Variants in SEL1L3 observed in about 807,000 individuals in gnomAD.
SEL1L3 encodes the protein protein sel-1 homolog 3.
A neutral mutation model predicts 142.8 loss-of-function variants in SEL1L3; 76 were observed. The ratio of observed to expected loss-of-function variants is 0.53; its 90% CI spans 0.44 to 0.64. SEL1L3 has a LOEUF of 0.64. Among genes scored for constraint, SEL1L3 ranks in the 30% least tolerant of loss-of-function variants. The pLI is 0.00. For missense variants in SEL1L3, 1,262 were observed against 1,381.7 expected, an observed-to-expected ratio of 0.91 and a Z score of 1.37; for synonymous variants, 504 against 519.6, an observed-to-expected ratio of 0.97 and a Z score of 0.41.
intron 6 of SEL1L3, among the ~76,000 whole-genome samples, chr4:25,823,906 C>CT (rs746583469): frequency 6.6e-6 from 1 of 152,064 alleles, no homozygotes; most frequent in Admixed American, 6.5e-5. Context: ...CAACCCAAGC[C>CT]CTAGCAGGTG....
intron 19 of SEL1L3, 148 bp downstream of exon 19, chr4:25,767,377 G>A: frequency 1.6e-6 from 1 of 629,574 alleles, no homozygotes. Flanking sequence ...TGAGAGCAGA[G>A]TTTAGCGATC....
intron 11 of SEL1L3, among the ~76,000 whole-genome samples, chr4:25,796,689 G>C (rs1335249205): frequency 2.0e-5 from 3 of 151,896 alleles, no homozygotes; most frequent in Non-Finnish European, 4.4e-5. Context: ...CTACTTGGAA[G>C]GCTGAGGTAT....
At chr4:25,750,406 T>A (rs1717518607) in intron 23 of SEL1L3, among the ~76,000 whole-genome samples, 1 of 152,158 alleles carries the variant, frequency 6.6e-6, no homozygotes, top group Non-Finnish European at 1.5e-5. Flanking sequence ...AGGAAGAACA[T>A]CTGCTTGCCG....
At chr4:25,822,157 G>A (rs1381757570) in intron 6 of SEL1L3, 29 bp from the exon 7 acceptor site, 3 of 1,612,368 alleles carry the variant, frequency 1.9e-6, no homozygotes, top group African/African-American at 2.7e-5. Flanking sequence ...GATTAAGAGA[G>A]CTCCATGCCG....
rs765967618 is a variant in SEL1L3 at position 25,790,498 on chromosome 4, A to G, written c.2033T>C (p.Met678Thr). The part of the protein sequence containing the change: ...VQTKEDGDVF[M>T]WLKHEATRGN... ...TCGGGTAGCTTCATGCTTCAACCAC[A>G]TAAAGACATCTCCATCTTCTTTGGT... The change falls in exon 12 of 24, where the codon ATG (methionine) becomes ACG (threonine). Residue 678 changes from methionine (M) to threonine (T), a missense_variant. Met to Thr is a moderately conservative substitution (Grantham distance 81). Around this residue, in one of 3 missense-constraint regions of SEL1L3, gnomAD observed 435 missense variants for 559.2 expected, o/e 0.78. Transcript: ENST00000399878. The G allele has an allele frequency of 1.2e-6, 2 of 1,613,770 alleles. No individual in the cohort carries two copies. Among genetic ancestry groups the G allele is most frequent in the Non-Finnish European group, 1.7e-6 (2 of 1,179,822 alleles).
chr4:25,833,449 C>T lies in SEL1L3; in HGVS notation c.981G>A (p.Glu327=). The change falls in exon 4 of 24, where the codon GAG becomes GAA. Residue 327 remains glutamate, a splice_region_variant and synonymous_variant. Transcript: ENST00000399878. Reference sequence around the variant, plus strand: ...TTAAAGGTTCTGTTTTATACTCACCCTCTTCCGTAAGAAATACAGAAGGTG... The same window carrying T: ...TTAAAGGTTCTGTTTTATACTCACCTTCTTCCGTAAGAAATACAGAAGGTG... ...YGTPSVFLTE[E]GYLHIQMHLV... is the part of the protein sequence containing the mutation. 2 of 1,610,480 alleles carry T rather than the reference C, an allele frequency of 1.2e-6. No individual in the cohort carries two copies. Among genetic ancestry groups the T allele is most frequent in the East Asian group, 2.2e-5 (1 of 44,846 alleles).
intron 22 of SEL1L3, 23 bp from the exon 23 acceptor site, chr4:25,757,629 T>A: frequency 1.3e-6 from 2 of 1,556,826 alleles, no homozygotes; most frequent in Non-Finnish European, 1.7e-6. Context: ...GAAGCACGCA[T>A]TAGTGACTGA....
chr4:25,850,060 G>A (rs1050732187), intron 1 of SEL1L3, among the ~76,000 whole-genome samples: 6 of 152,170 alleles, frequency 3.9e-5, no homozygotes, highest in Non-Finnish European at 5.9e-5. Context: ...AGCATAAGCC[G>A]GGCAAGAGGC....
intron 1 of SEL1L3, among the ~76,000 whole-genome samples, chr4:25,853,916 C>G (rs1717068972): frequency 6.6e-6 from 1 of 152,106 alleles, no homozygotes; most frequent in African/African-American, 2.4e-5. Context: ...AGGTGATCCA[C>G]CTGCCTCGGC....
the SEL1L3 span, among the ~76,000 whole-genome samples, chr4:25,733,749 G>A: frequency 6.6e-6 from 1 of 151,970 alleles, no homozygotes; most frequent in Non-Finnish European, 1.5e-5. Flanking sequence ...CTGACCCCAT[G>A]ATTTCCCTCC....
At chr4:25,858,902 T>C (rs1717473269) in intron 1 of SEL1L3, among the ~76,000 whole-genome samples, 1 of 152,190 alleles carries the variant, frequency 6.6e-6, no homozygotes, top group Admixed American at 6.5e-5. Context: ...GTTAATGTCC[T>C]CTTACTTCTT....
intron 20 of SEL1L3, among the ~76,000 whole-genome samples, chr4:25,761,318 G>C (rs1249014824): frequency 6.6e-6 from 1 of 152,066 alleles, no homozygotes; most frequent in African/African-American, 2.4e-5. Flanking sequence ...GCCACGCATG[G>C]CTAATTTTTG....
chr4:25,842,918 C>T (rs61240381), intron 2 of SEL1L3, among the ~76,000 whole-genome samples: 3,537 of 152,150 alleles, frequency 0.023, 123 homozygotes, highest in African/African-American at 0.079. Context: ...ACAGGCAGGG[C>T]GGTGGGGGTG....
At position 25,759,251 on chromosome 4, in the gene SEL1L3, GC is replaced by G. The variant is rs1718215454; in HGVS notation, c.2956-184del. On this transcript the variant is annotated intron_variant, in intron 20 of 23. Transcript: ENST00000399878. ...ATATATGCATCTGAGAAATTTATTT[GC>G]AGGAGAACCAGGAGGCTTTCAGAAG... is the stretch of plus-strand genomic sequence containing the variant. The G allele has an allele frequency of 6.1e-5, 37 of 601,952 alleles. No individual in the cohort carries two copies. The South Asian group carries it at 7.5e-4, about 12-fold the overall frequency. 37.3% of individuals were successfully genotyped at this position (601,952 alleles called of 1,614,324 possible).
chr4:25,795,180 G>A (rs967744102), intron 11 of SEL1L3, among the ~76,000 whole-genome samples: 4 of 152,198 alleles, frequency 2.6e-5, no homozygotes, highest in African/African-American at 4.8e-5. Flanking sequence ...CAACCTTCAC[G>A]TCCTGCACCT....
intron 9 of SEL1L3, among the ~76,000 whole-genome samples, chr4:25,805,700 T>G (rs1350317554): frequency 6.6e-6 from 1 of 152,238 alleles, no homozygotes; most frequent in Non-Finnish European, 1.5e-5. Flanking sequence ...AAGTCTATCT[T>G]TGTTATTCAT....
chr4:25,818,935 T>C (rs1714573462), intron 8 of SEL1L3, among the ~76,000 whole-genome samples: 1 of 152,116 alleles, frequency 6.6e-6, no homozygotes. Flanking sequence ...GTGAACCCTA[T>C]TGGACTGGGG....
chr4:25,798,636 T>A (rs1448618488), intron 11 of SEL1L3, among the ~76,000 whole-genome samples: 1 of 152,190 alleles, frequency 6.6e-6, no homozygotes, highest in Non-Finnish European at 1.5e-5. Context: ...AAGACCAGCC[T>A]GGCCAACATG....
intron 19 of SEL1L3, among the ~76,000 whole-genome samples, chr4:25,765,796 G>A (rs905664817): frequency 1.3e-5 from 2 of 152,016 alleles, no homozygotes; most frequent in East Asian, 1.9e-4. Flanking sequence ...GTGCCACCAC[G>A]CCCGGCTAAT....
Sources: allele counts gnomAD v4.1 joint callset (sites outside exome capture counted in the v4.1 genomes callset), GRCh38; gene constraint gnomAD v4.1.1; regional missense constraint gnomAD v4.1.1; transcripts MANE v1.5; gene names NCBI Gene and HGNC (gene_info 2026-07-23, HGNC 2026-07-21).